Variants in CFAP299 observed in about 807,000 individuals in gnomAD.
The protein encoded by CFAP299 is cilia- and flagella-associated protein 299.
CFAP299 carries 21 observed loss-of-function variants against 27.0 expected under a neutral mutation model. The ratio of observed to expected loss-of-function variants is 0.78; its 90% CI spans 0.55 to 1.12. The LOEUF (loss-of-function observed/expected upper bound fraction) is 1.12. Among genes scored for constraint, CFAP299 ranks in the 50% most tolerant of loss-of-function variants. The pLI, the probability that CFAP299 is intolerant of heterozygous loss-of-function variation, is 0.00. For missense variants in CFAP299, 310 were observed against 276.6 expected (o/e 1.12, Z -0.86); for synonymous variants, 104 against 98.1 (o/e 1.06, Z -0.36).
intron 2 of CFAP299, among the ~76,000 whole-genome samples, chr4:80,561,427 T>C (rs890368317): frequency 6.6e-6 from 1 of 152,128 alleles, no homozygotes; most frequent in African/African-American, 2.4e-5. Flanking sequence ...TTTATTAGCA[T>C]CAGTGCTATC....
At chr4:80,853,822 G>C in intron 3 of CFAP299, among the ~76,000 whole-genome samples, 1 of 152,188 alleles carries the variant, frequency 6.6e-6, no homozygotes, top group East Asian at 1.9e-4. Context: ...ATATTACATG[G>C]AAAGAAGATT....
intron 3 of CFAP299, among the ~76,000 whole-genome samples, chr4:80,713,064 C>T (rs1422524590): frequency 6.6e-6 from 1 of 152,032 alleles, no homozygotes; most frequent in Admixed American, 6.6e-5. Context: ...GATGTAAAAA[C>T]TAACCATTCA....
At position 80,832,040 on chromosome 4, in the gene CFAP299, G is replaced by A. The variant is rs187718453; in HGVS notation, c.334-37953G>A. Among the ~76,000 whole-genome samples, 376 of 152,192 alleles carry A rather than the reference G, an allele frequency of 2.5e-3. 1 individual carries two copies. The highest frequency in any genetic ancestry group is 8.5e-3 in the African/African-American group (355 of 41,546). On this transcript the variant is annotated intron_variant, in intron 3 of 5. Coordinates refer to ENST00000358105, the MANE Select transcript of CFAP299 (RefSeq NM_152770.3). ...CAAATAAGGCTTCCATAGAAAATATGTGTCAGATTTGTTTTCCTGTGTCAG... is the reference window on the plus strand; with the variant it reads ...CAAATAAGGCTTCCATAGAAAATATATGTCAGATTTGTTTTCCTGTGTCAG...
intron 4 of CFAP299, among the ~76,000 whole-genome samples, chr4:80,936,237 C>A (rs1736881279): frequency 6.6e-6 from 1 of 152,044 alleles, no homozygotes; most frequent in Admixed American, 6.6e-5. Flanking sequence ...GTGCTGATTC[C>A]TCAATGACCT....
chr4:80,938,696 C>T (rs184254537), intron 4 of CFAP299, among the ~76,000 whole-genome samples: 56 of 152,264 alleles, frequency 3.7e-4, no homozygotes, highest in Admixed American at 1.8e-3. Flanking sequence ...CTGAGCTGGC[C>T]TCGGCAATTC....
chr4:80,840,414 T>C (rs963429770), intron 3 of CFAP299, among the ~76,000 whole-genome samples: 6 of 152,250 alleles, frequency 3.9e-5, no homozygotes, highest in African/African-American at 1.4e-4. Context: ...GTCTTAAAGG[T>C]AAATGTTACC....
intron 3 of CFAP299, among the ~76,000 whole-genome samples, chr4:80,606,838 T>A (rs928997804): frequency 6.7e-5 from 10 of 149,880 alleles, no homozygotes; most frequent in East Asian, 2.0e-4. Flanking sequence ...TAAAAAAAAA[T>A]TTCACGGATA....
intron 2 of CFAP299, among the ~76,000 whole-genome samples, chr4:80,378,718 CATTG>C (rs1724547384): frequency 2.0e-5 from 3 of 152,040 alleles, no homozygotes; most frequent in African/African-American, 7.2e-5. Context: ...AAGTGATTTA[CATTG>C]ATTGATTTTT....
chr4:80,883,899 G>A (rs1023049629), intron 4 of CFAP299, among the ~76,000 whole-genome samples: 9 of 152,092 alleles, frequency 5.9e-5, no homozygotes, highest in Non-Finnish European at 1.3e-4. Context: ...AGGGGTACAC[G>A]TGCAGGATGT....
intron 3 of CFAP299, among the ~76,000 whole-genome samples, chr4:80,782,664 C>G (rs548542783): frequency 7.7e-5 from 9 of 117,104 alleles, no homozygotes; most frequent in Admixed American, 1.8e-4. Flanking sequence ...ATAATATATT[C>G]ATATATAATA....
intron 3 of CFAP299, among the ~76,000 whole-genome samples, chr4:80,638,558 G>A (rs1739569727): frequency 6.6e-6 from 1 of 152,124 alleles, no homozygotes; most frequent in African/African-American, 2.4e-5. Context: ...AAAACACGGA[G>A]TCCAACACTT....
chr4:80,935,342 A>C (rs1041966271), intron 4 of CFAP299, among the ~76,000 whole-genome samples: 1 of 152,152 alleles, frequency 6.6e-6, no homozygotes, highest in Non-Finnish European at 1.5e-5. Flanking sequence ...CCAAAACTAC[A>C]TGCTACTGGT....
chr4:80,689,874 A>G (rs1307721541), intron 3 of CFAP299, among the ~76,000 whole-genome samples: 2 of 152,094 alleles, frequency 1.3e-5, no homozygotes, highest in African/African-American at 4.8e-5. Flanking sequence ...GAAAACAAAA[A>G]AAGGCAGGGG....
intron 3 of CFAP299, among the ~76,000 whole-genome samples, chr4:80,860,821 G>C (rs562857389): frequency 1.3e-5 from 2 of 152,260 alleles, no homozygotes; most frequent in African/African-American, 4.8e-5. Flanking sequence ...TGCCCCTACT[G>C]GGGGGTGCCT....
intron 3 of CFAP299, among the ~76,000 whole-genome samples, chr4:80,606,406 G>T (rs1404253846): frequency 1.3e-5 from 2 of 152,188 alleles, no homozygotes; most frequent in African/African-American, 2.4e-5. Flanking sequence ...ATGGTGGCAG[G>T]CGCCTGTAAT....
chr4:80,790,857 T>C (rs958256271), intron 3 of CFAP299, among the ~76,000 whole-genome samples: 1 of 152,100 alleles, frequency 6.6e-6, no homozygotes, highest in African/African-American at 2.4e-5. Flanking sequence ...ATTCATTTAA[T>C]AATTAGAATA....
At chr4:80,369,542 C>T (rs896763850) in intron 2 of CFAP299, among the ~76,000 whole-genome samples, 103 of 152,286 alleles carry the variant, frequency 6.8e-4, no homozygotes, top group African/African-American at 2.2e-3. Context: ...TTAGGAAGAG[C>T]GTATGAACAG....
intron 3 of CFAP299, among the ~76,000 whole-genome samples, chr4:80,697,382 T>C (rs1001609375): frequency 1.3e-5 from 2 of 152,190 alleles, no homozygotes; most frequent in African/African-American, 4.8e-5. Flanking sequence ...GTTTGTACAA[T>C]CATTGTTTTG....
intron 3 of CFAP299, 114 bp from the exon 4 acceptor site, chr4:80,869,879 G>T: frequency 1.0e-6 from 1 of 981,778 alleles, no homozygotes; most frequent in Non-Finnish European, 1.5e-6. Flanking sequence ...TCTTTCAGAA[G>T]CCCTGCTTCC....
Sources: gnomAD v4.1 joint callset for allele counts (sites outside exome capture counted in the v4.1 genomes callset) on GRCh38, gnomAD v4.1.1 for gene constraint, MANE v1.5 for transcripts, NCBI Gene and HGNC (gene_info 2026-07-23, HGNC 2026-07-21) for gene names.